The following THRAP3 variants were observed in gnomAD, a reference collection of about 807,000 sequenced individuals.
THRAP3 encodes the protein thyroid hormone receptor-associated protein 3.
THRAP3 carries 16 observed loss-of-function variants against 101.0 expected under a neutral mutation model. That is an observed-to-expected ratio of 0.16 (90% CI 0.11 to 0.24). The LOEUF (loss-of-function observed/expected upper bound fraction) is 0.24. Ranked by LOEUF, THRAP3 falls within the 10% of genes least tolerant of loss-of-function variation. The pLI is 1.00. For missense variants in THRAP3, 989 were observed against 1,202.7 expected (o/e 0.82, Z 2.63); for synonymous variants, 407 against 422.6 (o/e 0.96, Z 0.45).
chr1:36,303,408 G>A (rs563986348), intron 11 of THRAP3, among the ~76,000 whole-genome samples: 2 of 152,224 alleles, frequency 1.3e-5, no homozygotes, highest in Non-Finnish European at 2.9e-5. Flanking sequence ...CTTTAAGCAC[G>A]TTTGCAGAGT....
chr1:36,219,592 C>CG (rs1282034149), upstream of THRAP3, among the ~76,000 whole-genome samples: 2 of 143,488 alleles, frequency 1.4e-5, no homozygotes, highest in Non-Finnish European at 3.1e-5. Flanking sequence ...GCCCAGCTAA[C>CG]TTTTTTTTTT....
chr1:36,253,760 A>ATTTTTTTTTTTTTTTTTTT lies in THRAP3; in HGVS notation c.-134-5621_-134-5603dup, dbSNP rs58306701. Among the ~76,000 whole-genome samples, 278 of 100,154 alleles carry ATTTTTTTTTTTTTTTTTTT rather than the reference A, an allele frequency of 2.8e-3. 12 individuals carry two copies. The highest frequency in any genetic ancestry group is 7.1e-3 in the South Asian group (22 of 3,118). 65.7% of individuals were successfully genotyped at this position (100,154 alleles called of 152,430 possible). Reference sequence around the variant, plus strand: ...AGGCGTACACCATTGAGTCAGGCTAATTTTTTTTTTTTTTTTTTTAGTTTT... The same window carrying ATTTTTTTTTTTTTTTTTTT: ...AGGCGTACACCATTGAGTCAGGCTAATTTTTTTTTTTTTTTTTTTTTTTTTTTTTTTTTTTTTTAGTTTT... On this transcript the variant is annotated intron_variant, in intron 1 of 11. Coordinates refer to ENST00000354618, the MANE Select transcript of THRAP3 (RefSeq NM_005119.4).
At chr1:36,293,160 C>T (rs1006145894) in intron 7 of THRAP3, among the ~76,000 whole-genome samples, 1 of 151,624 alleles carries the variant, frequency 6.6e-6, no homozygotes, top group Non-Finnish European at 1.5e-5. Context: ...TCCCAAGTAC[C>T]TGGGATTACA....
At chr1:36,282,416 G>C in intron 2 of THRAP3, 117 bp from the exon 3 acceptor site, 2 of 641,228 alleles carry the variant, frequency 3.1e-6, no homozygotes, top group Admixed American at 6.6e-5. Context: ...TTTTTTTGTA[G>C]ATATGGGGTC....
chr1:36,236,258 C>T (rs960859840), intron 1 of THRAP3, among the ~76,000 whole-genome samples: 1 of 151,140 alleles, frequency 6.6e-6, no homozygotes, highest in Non-Finnish European at 1.5e-5. Context: ...ACAGACTGGG[C>T]GCAAAAACCA....
intron 1 of THRAP3, among the ~76,000 whole-genome samples, chr1:36,226,593 CA>C (rs1168634463): frequency 3.9e-5 from 6 of 152,170 alleles, no homozygotes; most frequent in African/African-American, 1.4e-4. Context: ...TAGTCCTAAC[CA>C]CTAAGCATTT....
intron 8 of THRAP3, 148 bp downstream of exon 8, chr1:36,294,083 G>T: frequency 7.0e-7 from 1 of 1,428,802 alleles, no homozygotes; most frequent in Non-Finnish European, 9.2e-7. Context: ...ACTACAAAGG[G>T]TTAATTTTTA....
Position 36,296,603 on chromosome 1 carries a change from T to A in THRAP3, c.2136T>A (p.Asp712Glu). The stretch of plus-strand genomic sequence containing the variant: ...GATAGGCTGAGGGAAAATACAAAGA[T>A]GATCCTGTTGATCTCCGCCTTGATA... ...PGYKAEGKYKDDPVDLRLDIE... is the reference protein window; with the variant it reads ...PGYKAEGKYKEDPVDLRLDIE... Residue 712 changes from aspartate to glutamate, a missense_variant, in exon 9 of 12, where the codon GAT becomes GAA. Transcript: ENST00000354618. The A allele has an allele frequency of 1.9e-6, 3 of 1,570,678 alleles. No homozygotes were observed. Among genetic ancestry groups the A allele is most frequent in the Non-Finnish European group, 1.7e-6 (2 of 1,165,608 alleles).
chr1:36,279,255 T>G (rs142862460), intron 2 of THRAP3, among the ~76,000 whole-genome samples: 2 of 152,184 alleles, frequency 1.3e-5, no homozygotes, highest in Non-Finnish European at 2.9e-5. Flanking sequence ...CCACCTGTTG[T>G]GTAAGTCATC....
intron 7 of THRAP3, among the ~76,000 whole-genome samples, chr1:36,293,004 G>A (rs75021591): frequency 0.084 from 11,922 of 141,984 alleles, 699 homozygotes; most frequent in Middle Eastern, 0.24. Flanking sequence ...TGTAGGTAGA[G>A]TAAATGCTAG....
chr1:36,240,480 T>A (rs1437732928), intron 1 of THRAP3, among the ~76,000 whole-genome samples: 1 of 152,206 alleles, frequency 6.6e-6, no homozygotes, highest in Non-Finnish European at 1.5e-5. Context: ...TTAGCTGTGC[T>A]TAAAGCTGAT....
At chr1:36,290,818 T>C (rs1645858081) in intron 5 of THRAP3, among the ~76,000 whole-genome samples, 3 of 152,174 alleles carry the variant, frequency 2.0e-5, no homozygotes, top group African/African-American at 4.8e-5. Context: ...CCCTGAACTT[T>C]AGGAAAGAGT....
chr1:36,273,110 G>A (rs1019244587), intron 2 of THRAP3, among the ~76,000 whole-genome samples: 1 of 152,222 alleles, frequency 6.6e-6, no homozygotes, highest in African/African-American at 2.4e-5. Context: ...ATCAGATGTG[G>A]TCTCTGGTTC....
chr1:36,238,601 T>A (rs1645118553), intron 1 of THRAP3, among the ~76,000 whole-genome samples: 1 of 152,228 alleles, frequency 6.6e-6, no homozygotes. Context: ...TGGTTAGTGT[T>A]ATTACAGCTG....
chr1:36,300,857 T>G (rs751159581), intron 9 of THRAP3, 29 bp from the exon 10 acceptor site: 3 of 1,610,360 alleles, frequency 1.9e-6, no homozygotes, highest in Admixed American at 1.7e-5. Flanking sequence ...GAAAGATGAT[T>G]GATCACCCTG....
chr1:36,295,954 CTTTTTTTTTTTTTTTTTTTTTTTTTT>C (rs575028397), intron 8 of THRAP3, among the ~76,000 whole-genome samples: 2 of 60,488 alleles, frequency 3.3e-5, no homozygotes, highest in African/African-American at 7.3e-5. Flanking sequence ...GCCTTCTCAA[CTTTTTTTTTTTTTTTTTTTTTTTTTT>C]TTTTTTTTTT....
intron 10 of THRAP3, 124 bp downstream of exon 10, chr1:36,301,208 C>A: frequency 9.9e-7 from 1 of 1,011,406 alleles, no homozygotes; most frequent in African/African-American, 1.6e-5. Flanking sequence ...ACCCTGGAAT[C>A]TTTGGTTCTC....
At chr1:36,210,720 TATA>T in the THRAP3 span, among the ~76,000 whole-genome samples, 7 of 9,292 alleles carry the variant, frequency 7.5e-4, no homozygotes, top group African/African-American at 1.8e-3. Context: ...TATATATATA[TATA>T]TATATATATA....
At chr1:36,302,887 T>C (rs1646047568) in intron 11 of THRAP3, among the ~76,000 whole-genome samples, 1 of 152,218 alleles carries the variant, frequency 6.6e-6, no homozygotes, top group Admixed American at 6.5e-5. Context: ...GTGTTTTTCC[T>C]ACCCCGTCAC....
Sources: allele counts gnomAD v4.1 joint callset (sites outside exome capture counted in the v4.1 genomes callset), GRCh38; gene constraint gnomAD v4.1.1; transcripts MANE v1.5; gene names NCBI Gene and HGNC (gene_info 2026-07-23, HGNC 2026-07-21).